CEP112: variants seen among roughly 807,000 people sequenced by gnomAD.
CEP112 encodes the protein centrosomal protein 112, also known as centrosomal protein of 112 kDa.
A neutral mutation model predicts 153.0 loss-of-function variants in CEP112; 127 were observed. That is an observed-to-expected ratio of 0.83 (90% CI 0.72 to 0.96). The LOEUF (loss-of-function observed/expected upper bound fraction) is 0.96. Ranked by LOEUF, CEP112 falls within the 40% of genes least tolerant of loss-of-function variation. The pLI is 0.00. For missense variants in CEP112, 1,089 were observed against 1,101.2 expected, an observed-to-expected ratio of 0.99 and a Z score of 0.16; for synonymous variants, 358 against 374.4, an observed-to-expected ratio of 0.96 and a Z score of 0.51.
chr17:65,738,120 G>A (rs986125159), intron 23 of CEP112, among the ~76,000 whole-genome samples: 1 of 152,184 alleles, frequency 6.6e-6, no homozygotes, highest in African/African-American at 2.4e-5. Context: ...AGGGAAGACA[G>A]CACCATCCAA....
At chr17:65,856,909 C>T (rs746093917) in intron 20 of CEP112, among the ~76,000 whole-genome samples, 20 of 152,188 alleles carry the variant, frequency 1.3e-4, no homozygotes, top group Non-Finnish European at 2.8e-4. Context: ...GCATATTTGT[C>T]ATATTTAGTG....
At chr17:66,166,318 C>G (rs1238547222) in intron 4 of CEP112, among the ~76,000 whole-genome samples, 1 of 152,146 alleles carries the variant, frequency 6.6e-6, no homozygotes, top group Admixed American at 6.5e-5. Context: ...TAACATTACT[C>G]CTCTTCACCC....
intron 25 of CEP112, among the ~76,000 whole-genome samples, chr17:65,640,065 T>A (rs529631530): frequency 6.7e-6 from 1 of 149,806 alleles, no homozygotes; most frequent in South Asian, 2.1e-4. Flanking sequence ...CTCAAATTCC[T>A]GATCTCAGGT....
intron 17 of CEP112, among the ~76,000 whole-genome samples, chr17:66,005,436 G>T (rs1405332022): frequency 1.3e-5 from 2 of 152,042 alleles, no homozygotes; most frequent in East Asian, 3.9e-4. Context: ...AAGAGGGAGA[G>T]AGCATCTGAA....
At chr17:65,897,174 A>C (rs1053702099) in intron 20 of CEP112, among the ~76,000 whole-genome samples, 21 of 152,226 alleles carry the variant, frequency 1.4e-4, no homozygotes, top group African/African-American at 5.1e-4. Context: ...CATTAACAGC[A>C]ACAGCTTCAT....
At chr17:66,099,387 C>T (rs1344063771) in intron 6 of CEP112, among the ~76,000 whole-genome samples, 2 of 151,522 alleles carry the variant, frequency 1.3e-5, no homozygotes, top group Non-Finnish European at 2.9e-5. Context: ...GACTATAATC[C>T]CAGCTATTCA....
At chr17:65,771,374 G>A (rs1008259923) in intron 21 of CEP112, among the ~76,000 whole-genome samples, 8 of 152,146 alleles carry the variant, frequency 5.3e-5, no homozygotes, top group African/African-American at 1.7e-4. Context: ...AATTTTAAGG[G>A]CTTCAAAATA....
chr17:65,716,562 A>T (rs2049530316), intron 23 of CEP112, among the ~76,000 whole-genome samples: 1 of 152,122 alleles, frequency 6.6e-6, no homozygotes, highest in Non-Finnish European at 1.5e-5. Flanking sequence ...AGTTTTAGGG[A>T]AAGACCTGAA....
intron 17 of CEP112, among the ~76,000 whole-genome samples, chr17:65,987,692 G>A (rs1348089234): frequency 6.6e-6 from 1 of 152,130 alleles, no homozygotes; most frequent in Non-Finnish European, 1.5e-5. Context: ...ACTCAAATAT[G>A]AGAATGAGGC....
At chr17:65,944,982 T>C (rs776915620) in intron 18 of CEP112, among the ~76,000 whole-genome samples, 4 of 152,182 alleles carry the variant, frequency 2.6e-5, no homozygotes, top group Admixed American at 6.5e-5. Flanking sequence ...AAAGGGAACA[T>C]GGATGATTTT....
intron 21 of CEP112, among the ~76,000 whole-genome samples, chr17:65,786,839 G>A (rs773383502): frequency 1.3e-4 from 20 of 152,124 alleles, no homozygotes; most frequent in Non-Finnish European, 1.9e-4. Flanking sequence ...GCCTGCCTTC[G>A]TCTCCCTAAG....
intron 21 of CEP112, among the ~76,000 whole-genome samples, chr17:65,845,147 G>A (rs554765407): frequency 1.3e-5 from 2 of 152,200 alleles, no homozygotes; most frequent in Admixed American, 6.5e-5. Context: ...TGGAGAAACT[G>A]CGTCTGTACT....
chr17:65,918,442 G>GTGTTTTT (rs932311997), intron 19 of CEP112, among the ~76,000 whole-genome samples: 1 of 152,178 alleles, frequency 6.6e-6, no homozygotes, highest in African/African-American at 2.4e-5. Flanking sequence ...TGGCCCTTCA[G>GTGTTTTT]TGTTTTTTGT....
At chr17:65,718,166 G>A (rs993657428) in intron 23 of CEP112, among the ~76,000 whole-genome samples, 3 of 152,162 alleles carry the variant, frequency 2.0e-5, no homozygotes, top group Non-Finnish European at 2.9e-5. Context: ...AGCTTTTTGC[G>A]AGGCTGAGGC....
intron 4 of CEP112, among the ~76,000 whole-genome samples, chr17:66,133,621 T>C (rs1046188569): frequency 1.3e-5 from 2 of 152,174 alleles, no homozygotes; most frequent in Non-Finnish European, 1.5e-5. Flanking sequence ...CTTATATGAT[T>C]TTATTCAAAC....
chr17:65,658,462 C>T (rs923014055), intron 24 of CEP112, among the ~76,000 whole-genome samples: 2 of 152,294 alleles, frequency 1.3e-5, no homozygotes, highest in African/African-American at 4.8e-5. Context: ...AGAATATATG[C>T]TTCAGCCATG....
At chr17:65,661,427 C>T (rs2046381117) in intron 24 of CEP112, among the ~76,000 whole-genome samples, 1 of 152,178 alleles carries the variant, frequency 6.6e-6, no homozygotes, top group Admixed American at 6.5e-5. Context: ...ATGGTACTTT[C>T]ATGGCTGTTT....
intron 24 of CEP112, among the ~76,000 whole-genome samples, chr17:65,676,318 ACT>A (rs2047232296): frequency 6.9e-6 from 1 of 144,838 alleles, no homozygotes; most frequent in African/African-American, 2.6e-5. Context: ...AAAGAGTGAG[ACT>A]CTGTCTTAAA....
At chr17:66,006,233 C>T (rs1038584157) in intron 16 of CEP112, among the ~76,000 whole-genome samples, 2 of 152,068 alleles carry the variant, frequency 1.3e-5, no homozygotes, top group African/African-American at 2.4e-5. Context: ...CTCCCCACTC[C>T]CCGCACCATG....
Sources: allele counts gnomAD v4.1 joint callset (sites outside exome capture counted in the v4.1 genomes callset), GRCh38; gene constraint gnomAD v4.1.1; transcripts MANE v1.5; gene names NCBI Gene and HGNC (gene_info 2026-07-23, HGNC 2026-07-21).